The following QKI variants were observed in gnomAD, a reference collection of about 807,000 sequenced individuals.
QKI encodes the protein QKI, KH domain containing RNA binding, also known as KH domain-containing RNA-binding protein QKI.
Under a neutral mutation model 39.0 loss-of-function variants are expected in QKI, and 10 were observed. That is an observed-to-expected ratio of 0.26 (90% CI 0.16 to 0.43). QKI has a LOEUF of 0.43. Among genes scored for constraint, QKI ranks in the 20% least tolerant of loss-of-function variants. The probability of loss-of-function intolerance (pLI) is 1.00; values close to 1 mark genes in which losing one functional copy is unlikely to be tolerated. For missense variants in QKI, 218 were observed against 428.0 expected (o/e 0.51, Z 4.33); for synonymous variants, 204 against 155.4 (o/e 1.31, Z -2.33).
intron 3 of QKI, among the ~76,000 whole-genome samples, chr6:163,514,213 CA>C (rs373896946): frequency 2.0e-5 from 3 of 151,844 alleles, no homozygotes; most frequent in African/African-American, 7.2e-5. Flanking sequence ...CATCGGGTTT[CA>C]AAAAAACCTT....
chr6:163,417,289 C>T (rs1188462527), intron 1 of QKI, among the ~76,000 whole-genome samples: 1 of 151,880 alleles, frequency 6.6e-6, no homozygotes, highest in Non-Finnish European at 1.5e-5. Context: ...AGAAGGAATC[C>T]TTTATCGACG....
intron 1 of QKI, among the ~76,000 whole-genome samples, chr6:163,431,806 A>AC (rs1016142348): frequency 5.1e-5 from 7 of 137,862 alleles, no homozygotes; most frequent in Non-Finnish European, 1.1e-4. Context: ...TTTGTAAAAA[A>AC]AAAAAAACAA....
chr6:163,440,168 C>G (rs1789660250), intron 1 of QKI, among the ~76,000 whole-genome samples: 3 of 152,174 alleles, frequency 2.0e-5, no homozygotes, highest in African/African-American at 7.2e-5. Flanking sequence ...CTAGCTCTTA[C>G]CATCTGTCAT....
chr6:163,424,826 T>A (rs1416446295), intron 1 of QKI, among the ~76,000 whole-genome samples: 1 of 151,900 alleles, frequency 6.6e-6, no homozygotes, highest in Non-Finnish European at 1.5e-5. Context: ...AGACAGGGTT[T>A]CACCATGTTA....
intron 1 of QKI, among the ~76,000 whole-genome samples, chr6:163,447,467 G>C (rs902804320): frequency 6.6e-6 from 1 of 152,006 alleles, no homozygotes; most frequent in South Asian, 2.1e-4. Flanking sequence ...CTAATTATAT[G>C]TTTGTACCTA....
chr6:163,468,599 CTCT>C lies in QKI; in HGVS notation c.286-10176_286-10174del, dbSNP rs573749819. On this transcript the variant is annotated intron_variant, in intron 2 of 7. Transcript: ENST00000361752. ...GCATTAGACATAATTGTTGTTAAAC[CTCT>C]TCTTTGTAAATTAACATGCCACTTG... Among the ~76,000 whole-genome samples the C allele has an allele frequency of 3.3e-5, 5 of 152,248 alleles. No homozygotes were observed. The East Asian group carries it at 9.6e-4, about 29-fold the overall frequency.
At chr6:163,564,877 A>T (rs748161784) in intron 6 of QKI, 37 of 1,382,540 alleles carry the variant, frequency 2.7e-5, no homozygotes, top group Non-Finnish European at 3.1e-5. Context: ...GACTTTTAGG[A>T]CTTTGATCTT....
intron 3 of QKI, among the ~76,000 whole-genome samples, chr6:163,482,920 A>G (rs1489454043): frequency 1.3e-5 from 2 of 152,156 alleles, no homozygotes; most frequent in African/African-American, 4.8e-5. Flanking sequence ...AATGAGGCTG[A>G]AAGTCTCAGC....
chr6:163,535,161 C>T (rs758799777), intron 4 of QKI, 36 bp downstream of exon 4: 130 of 1,514,274 alleles, frequency 8.6e-5, no homozygotes, highest in Non-Finnish European at 1.1e-4. Flanking sequence ...ATTTGGGCCT[C>T]GTCCTTTTTT....
Position 163,572,779 on chromosome 6 carries a change from C to T in QKI, c.*2069C>T, listed in dbSNP as rs1228676134. The T allele has an allele frequency of 6.6e-6, 1 of 150,836 alleles. No homozygotes were observed. The highest frequency in any genetic ancestry group is 6.7e-5 in the Admixed American group (1 of 15,004). The allele number at this position is 150,836 out of a possible 1,614,324, so 9.3% of individuals were successfully genotyped here. A position where few individuals can be genotyped will look rare whatever the true frequency, so the allele number is the denominator to read the frequency against. On this transcript the variant is annotated 3_prime_UTR_variant, in exon 8 of 8. Transcript: ENST00000361752. ...TCATTACCTTCTTGGTGACCTCCCC[C>T]ACCATCTTGTCTCACTTGGAAACCG...
rs1264419074 is a variant in QKI at position 163,415,150 on chromosome 6, C to T, written c.-44C>T. 1.1e-5 allele frequency: 15 copies of T among 1,391,390 alleles called. No individual in the cohort carries two copies. The highest frequency in any genetic ancestry group is 1.4e-5 in the Non-Finnish European group (15 of 1,050,340). 86.2% of individuals were successfully genotyped at this position (1,391,390 alleles called of 1,614,324 possible). A position where few individuals can be genotyped will look rare whatever the true frequency, so the allele number is the denominator to read the frequency against. On this transcript the variant is annotated 5_prime_UTR_variant, in exon 1 of 8. Transcript: ENST00000361752. The stretch of plus-strand genomic sequence containing the variant: ...CCCGCCCCTCCCTCCTCTCCGGCGG[C>T]GGCGGCGGCGGCGGCGGGCGGAGTG...
intron 3 of QKI, among the ~76,000 whole-genome samples, chr6:163,516,407 G>T (rs1472328426): frequency 6.6e-6 from 1 of 152,106 alleles, no homozygotes; most frequent in African/African-American, 2.4e-5. Context: ...CAGTTCTCCT[G>T]CCTCAGCCTC....
At chr6:163,554,532 C>G (rs1167925311) in intron 4 of QKI, among the ~76,000 whole-genome samples, 1 of 152,198 alleles carries the variant, frequency 6.6e-6, no homozygotes, top group Non-Finnish European at 1.5e-5. Flanking sequence ...ATAAGTTGAT[C>G]AACCAGATGA....
intron 2 of QKI, among the ~76,000 whole-genome samples, chr6:163,460,754 A>G (rs1052704194): frequency 2.6e-5 from 4 of 152,166 alleles, no homozygotes; most frequent in Non-Finnish European, 4.4e-5. Flanking sequence ...CTTGATGTAC[A>G]CTACTTTCAC....
chr6:163,517,598 T>C (rs1015363359), intron 3 of QKI, among the ~76,000 whole-genome samples: 5 of 152,096 alleles, frequency 3.3e-5, no homozygotes, highest in Admixed American at 1.3e-4. Flanking sequence ...TAGTTTTTTC[T>C]TGAGTAGCTG....
intron 1 of QKI, among the ~76,000 whole-genome samples, chr6:163,449,100 A>C (rs1015481672): frequency 1.3e-5 from 2 of 152,196 alleles, no homozygotes; most frequent in African/African-American, 4.8e-5. Flanking sequence ...AAATAACTAA[A>C]TCTTACTTTG....
At chr6:163,549,159 G>A (rs137961405) in intron 4 of QKI, among the ~76,000 whole-genome samples, 17 of 152,194 alleles carry the variant, frequency 1.1e-4, no homozygotes, top group African/African-American at 4.1e-4. Context: ...AGTGCCGAGC[G>A]AAGAAGATTT....
rs1783759511 is a variant in QKI, at chr6:163,572,670, A to AACCCCC, written c.*1960_*1961insACCCCC. The AACCCCC allele has an allele frequency of 1.0e-4, 2 of 19,630 alleles. No individual in the cohort carries two copies. The highest frequency in any genetic ancestry group is 1.7e-4 in the Non-Finnish European group (2 of 11,854). The allele number at this position is 19,630 out of a possible 1,614,324, so 1.2% of individuals were successfully genotyped here. A position where few individuals can be genotyped will look rare whatever the true frequency, so the allele number is the denominator to read the frequency against. On this transcript the variant is annotated 3_prime_UTR_variant, in exon 8 of 8. Transcript: ENST00000361752. The stretch of plus-strand genomic sequence containing the variant: ...CGTGGCAAATCTCAAGTGACAGTGG[A>AACCCCC]CCCCCCCCCCCGCCCAGCTTATCAA...
At chr6:163,522,316 C>G (rs907510623) in intron 3 of QKI, among the ~76,000 whole-genome samples, 1 of 152,088 alleles carries the variant, frequency 6.6e-6, no homozygotes, top group Non-Finnish European at 1.5e-5. Context: ...AAACCTTGTT[C>G]ACTCACAGGG....
Sources: allele counts gnomAD v4.1 joint callset (sites outside exome capture counted in the v4.1 genomes callset), GRCh38; gene constraint gnomAD v4.1.1; transcripts MANE v1.5; gene names NCBI Gene and HGNC (gene_info 2026-07-23, HGNC 2026-07-21).